The following TRDN variants were observed in gnomAD, a reference collection of about 807,000 sequenced individuals.
The protein encoded by TRDN is triadin.
Under a neutral mutation model 149.7 loss-of-function variants are expected in TRDN, and 161 were observed. The observed-to-expected ratio is 1.08, with a 90% CI of 0.95 to 1.23. TRDN has a LOEUF of 1.23. Ranked by LOEUF, TRDN falls within the 50% of genes most tolerant of loss-of-function variation. TRDN has a pLI of 0.00. For missense variants in TRDN, 896 were observed against 823.5 expected (o/e 1.09, Z -1.08); for synonymous variants, 294 against 250.5 (o/e 1.17, Z -1.64).
chr6:123,238,751 A>AT (rs1436347309), intron 38 of TRDN, among the ~76,000 whole-genome samples: 2 of 152,226 alleles, frequency 1.3e-5, no homozygotes, highest in Non-Finnish European at 2.9e-5. Flanking sequence ...TAAAGGTTTA[A>AT]TTGAAAATAG....
chr6:123,592,904 AT>A (rs1175340531), intron 1 of TRDN, among the ~76,000 whole-genome samples: 1 of 152,084 alleles, frequency 6.6e-6, no homozygotes, highest in Non-Finnish European at 1.5e-5. Flanking sequence ...TTTAGGAATC[AT>A]TTTTTTCTTG....
At chr6:123,531,742 C>A (rs1436776815) in intron 4 of TRDN, among the ~76,000 whole-genome samples, 1 of 152,000 alleles carries the variant, frequency 6.6e-6, no homozygotes, top group African/African-American at 2.4e-5. Context: ...ATAGGAAATG[C>A]CCATCTTCCT....
intron 12 of TRDN, among the ~76,000 whole-genome samples, chr6:123,417,103 T>C (rs1380653277): frequency 6.6e-6 from 1 of 152,202 alleles, no homozygotes; most frequent in African/African-American, 2.4e-5. Flanking sequence ...AATAAGAGAA[T>C]CATTAAGTCT....
chr6:123,460,039 C>A (rs1776361059), intron 10 of TRDN, among the ~76,000 whole-genome samples: 2 of 152,140 alleles, frequency 1.3e-5, no homozygotes, highest in Admixed American at 1.3e-4. Context: ...CTTATACTCC[C>A]AACTCTTAAG....
chr6:123,508,122 ATC>A (rs1471810812), intron 7 of TRDN, among the ~76,000 whole-genome samples: 3 of 152,186 alleles, frequency 2.0e-5, no homozygotes, highest in Admixed American at 6.6e-5. Context: ...TATCTGCATA[ATC>A]TGCATGTCTA....
intron 26 of TRDN, among the ~76,000 whole-genome samples, chr6:123,275,878 G>C (rs756825040): frequency 6.6e-6 from 1 of 152,124 alleles, no homozygotes; most frequent in Non-Finnish European, 1.5e-5. Context: ...CACAGACTGG[G>C]TAATTTACAT....
At position 123,244,084 on chromosome 6, in the gene TRDN, C is replaced by T. The variant is rs9490715; in HGVS notation, c.1975+8328G>A. 7.8e-3 allele frequency among the ~76,000 whole-genome samples: 1,190 copies of T among 152,234 alleles called. 18 individuals are homozygous for T. Among genetic ancestry groups the T allele is most frequent in the African/African-American group, 0.027 (1,138 of 41,528 alleles). On this transcript the variant is annotated intron_variant, in intron 38 of 40. Coordinates refer to ENST00000334268, the MANE Select transcript of TRDN (RefSeq NM_006073.4). ...AAGGACATCCATGCAAAAACCCCAT[C>T]CAAAGGTCACCAACAACAAAGATCA...
At chr6:123,358,567 C>T (rs1484858625) in intron 20 of TRDN, among the ~76,000 whole-genome samples, 2 of 151,888 alleles carry the variant, frequency 1.3e-5, no homozygotes, top group African/African-American at 4.8e-5. Context: ...TGGGTTCAAG[C>T]GATTCTCCTG....
At chr6:123,570,248 G>A (rs1782495346) in intron 2 of TRDN, among the ~76,000 whole-genome samples, 1 of 152,170 alleles carries the variant, frequency 6.6e-6, no homozygotes, top group Non-Finnish European at 1.5e-5. Context: ...CACTCATCTA[G>A]TCATGTAACA....
intron 7 of TRDN, among the ~76,000 whole-genome samples, chr6:123,505,375 AATG>A (rs1778878644): frequency 6.6e-6 from 1 of 152,110 alleles, no homozygotes; most frequent in South Asian, 2.1e-4. Context: ...AGAGAATGAA[AATG>A]ATAATGCCAG....
intron 19 of TRDN, among the ~76,000 whole-genome samples, chr6:123,372,886 G>A (rs1465152636): frequency 6.6e-6 from 1 of 152,042 alleles, no homozygotes; most frequent in Admixed American, 6.6e-5. Context: ...AGGGGAGGTG[G>A]GTGTGTTGAG....
intron 1 of TRDN, among the ~76,000 whole-genome samples, chr6:123,582,879 C>T (rs1052268103): frequency 1.3e-5 from 2 of 151,338 alleles, no homozygotes; most frequent in Non-Finnish European, 2.9e-5. Context: ...GGCGTGGGAA[C>T]CTAGAGTGGG....
At chr6:123,566,039 A>G (rs1179135100) in intron 2 of TRDN, among the ~76,000 whole-genome samples, 1 of 152,236 alleles carries the variant, frequency 6.6e-6, no homozygotes, top group African/African-American at 2.4e-5. Flanking sequence ...TTCATAAACG[A>G]TATAATAAAC....
intron 9 of TRDN, 73 bp from the exon 10 acceptor site, chr6:123,465,056 G>C: frequency 2.7e-6 from 4 of 1,475,532 alleles, no homozygotes; most frequent in Non-Finnish European, 2.7e-6. Context: ...TAAAAAGCTA[G>C]ATCTGTCCCC....
intron 12 of TRDN, among the ~76,000 whole-genome samples, chr6:123,428,350 G>T (rs201819780): frequency 6.6e-6 from 1 of 152,036 alleles, no homozygotes; most frequent in African/African-American, 2.4e-5. Context: ...ACCCCTACCC[G>T]CTTTCCCAAG....
chr6:123,466,475 A>G (rs531768106), intron 9 of TRDN, among the ~76,000 whole-genome samples: 1 of 152,274 alleles, frequency 6.6e-6, no homozygotes, highest in South Asian at 2.1e-4. Context: ...TTGGATTTCA[A>G]TGCAGGTTCC....
chr6:123,273,436 G>T, intron 27 of TRDN, 73 bp from the exon 28 acceptor site: 3 of 745,462 alleles, frequency 4.0e-6, no homozygotes, highest in Non-Finnish European at 5.5e-6. Context: ...AAATACAACT[G>T]GTTATTGTAA....
intron 10 of TRDN, chr6:123,464,249 C>G: frequency 2.0e-6 from 2 of 983,330 alleles, no homozygotes; most frequent in Non-Finnish European, 2.4e-6. Flanking sequence ...AAAGAAATGA[C>G]TTTAACGTTC....
At chr6:123,480,218 T>C (rs1303150296) in intron 9 of TRDN, among the ~76,000 whole-genome samples, 1 of 147,874 alleles carries the variant, frequency 6.8e-6, no homozygotes, top group Non-Finnish European at 1.5e-5. Context: ...TAAAAATGAC[T>C]GACTTTCATA....
Sources: allele counts gnomAD v4.1 joint callset (sites outside exome capture counted in the v4.1 genomes callset), GRCh38; gene constraint gnomAD v4.1.1; transcripts MANE v1.5; gene names NCBI Gene and HGNC (gene_info 2026-07-23, HGNC 2026-07-21).